ZNF280D: variants seen among roughly 807,000 people sequenced by gnomAD.
ZNF280D encodes suppressor of hairy wing homolog 4.
Under a neutral mutation model 94.7 loss-of-function variants are expected in ZNF280D, and 39 were observed. That is an observed-to-expected ratio of 0.41 (90% CI 0.32 to 0.54). The LOEUF (loss-of-function observed/expected upper bound fraction) is 0.54, where lower values mean the gene tolerates loss of function less well. ZNF280D is among the 20% of genes least tolerant of loss of function. The pLI is 0.22. For missense variants in ZNF280D, 1,090 were observed against 1,149.3 expected (o/e 0.95, Z 0.75); for synonymous variants, 398 against 377.6 (o/e 1.05, Z -0.63).
chr15:56,697,621 T>C (rs1455991431), intron 6 of ZNF280D: 1 of 152,238 alleles, frequency 6.6e-6, no homozygotes, highest in Non-Finnish European at 1.5e-5. Flanking sequence ...ACTATTTTTC[T>C]GAGACAGTGG....
At chr15:56,639,667 AT>A (rs1223682556) in intron 20 of ZNF280D, among the ~76,000 whole-genome samples, 7 of 152,188 alleles carry the variant, frequency 4.6e-5, no homozygotes, top group Non-Finnish European at 8.8e-5. Flanking sequence ...CATGGGAATT[AT>A]TTTTATGTAC....
chr15:56,691,743 A>G (rs560279573), intron 7 of ZNF280D, among the ~76,000 whole-genome samples: 1 of 152,290 alleles, frequency 6.6e-6, no homozygotes, highest in African/African-American at 2.4e-5. Flanking sequence ...ATCATTCAGA[A>G]TAACTGTATT....
At chr15:56,692,663 T>C (rs1183565907) in intron 7 of ZNF280D, among the ~76,000 whole-genome samples, 3 of 152,106 alleles carry the variant, frequency 2.0e-5, no homozygotes, top group Non-Finnish European at 4.4e-5. Flanking sequence ...TATAATCATA[T>C]TGAACTATCA....
At chr15:56,645,502 C>T (rs1215324060) in intron 19 of ZNF280D, among the ~76,000 whole-genome samples, 1 of 152,000 alleles carries the variant, frequency 6.6e-6, no homozygotes, top group African/African-American at 2.4e-5. Flanking sequence ...CTAAAATGAC[C>T]CTATTTGCAT....
intron 20 of ZNF280D, among the ~76,000 whole-genome samples, chr15:56,636,433 C>A (rs1281845021): frequency 6.6e-5 from 10 of 151,690 alleles, no homozygotes; most frequent in African/African-American, 2.4e-4. Context: ...ACACAACAGG[C>A]ACCTATCCCT....
intron 17 of ZNF280D, among the ~76,000 whole-genome samples, chr15:56,657,748 T>C (rs1022024991): frequency 2.0e-5 from 3 of 152,146 alleles, no homozygotes; most frequent in Non-Finnish European, 4.4e-5. Context: ...GTGGAGAAAT[T>C]GGAACCCTCA....
Position 56,666,673 on chromosome 15 carries a change from G to C in ZNF280D, c.1853+6C>G. 1 of 1,581,502 alleles carries C rather than the reference G, an allele frequency of 6.3e-7. No homozygotes were observed. Among genetic ancestry groups the C allele is most frequent in the Non-Finnish European group, 8.6e-7 (1 of 1,168,476 alleles). The stretch of plus-strand genomic sequence containing the variant: ...ATTATATTGTATATCAGGAATAAAA[G>C]ATTACCTTAAATTCCTCAATGCTGT... On this transcript the variant is annotated splice_donor_region_variant and intron_variant, in intron 15 of 21. Coordinates refer to ENST00000267807, the MANE Select transcript of ZNF280D (RefSeq NM_017661.4).
intron 13 of ZNF280D, among the ~76,000 whole-genome samples, chr15:56,675,571 A>G (rs2055173544): frequency 6.6e-6 from 1 of 151,998 alleles, no homozygotes; most frequent in African/African-American, 2.4e-5. Flanking sequence ...AATTCTTACT[A>G]TATGTAATTT....
chr15:56,675,922 C>T (rs958656064), intron 13 of ZNF280D, among the ~76,000 whole-genome samples: 17 of 151,920 alleles, frequency 1.1e-4, no homozygotes, highest in Middle Eastern at 3.2e-3. Flanking sequence ...CTTTCAAGCA[C>T]GCAAGAACAG....
chr15:56,696,623 A>C (rs1044328972), intron 6 of ZNF280D, among the ~76,000 whole-genome samples: 2 of 152,222 alleles, frequency 1.3e-5, no homozygotes, highest in South Asian at 2.1e-4. Context: ...AAAAAGTAAA[A>C]ACACACACAC....
At position 56,701,249 on chromosome 15, in the gene ZNF280D, T is replaced by A. The variant is rs938922896; in HGVS notation, c.176-11A>T. ...CTCTGTTCAAAATATCTATAAAAGATTATATTTATTTTAAAATACATTGTT... is the reference window on the plus strand; with the variant it reads ...CTCTGTTCAAAATATCTATAAAAGAATATATTTATTTTAAAATACATTGTT... On this transcript the variant is annotated splice_polypyrimidine_tract_variant and intron_variant, in intron 4 of 21. Coordinates refer to ENST00000267807, the MANE Select transcript of ZNF280D (RefSeq NM_017661.4). 5.2e-5 allele frequency: 75 copies of A among 1,446,092 alleles called. 1 individual carries two copies. The highest frequency in any genetic ancestry group is 6.8e-5 in the Non-Finnish European group (72 of 1,064,010). 89.6% of individuals were successfully genotyped at this position (1,446,092 alleles called of 1,614,324 possible). A position where few individuals can be genotyped will look rare whatever the true frequency, so the allele number is the denominator to read the frequency against.
chr15:56,677,983 G>T (rs1304022550), intron 11 of ZNF280D, among the ~76,000 whole-genome samples: 1 of 151,218 alleles, frequency 6.6e-6, no homozygotes, highest in African/African-American at 2.4e-5. Flanking sequence ...AAGCTATCTT[G>T]CTCCAACATC....
rs373418547 is a variant in ZNF280D, at chr15:56,666,497, G to A, written c.1892C>T (p.Ser631Phe). ...GTGGTTTGCAAAATCTTTTATTTCG[G>A]AACAACACTCAATGCATTTGTGAAT... Reference protein sequence around the residue: ...RGIHKCIECCSEIKDFANHFP... With the variant: ...RGIHKCIECCFEIKDFANHFP... Residue 631 changes from serine (S) to phenylalanine (F), a missense_variant, in exon 16 of 22, where the codon TCC becomes TTC. By Grantham distance (155) the Ser-to-Phe change is radical. Transcript: ENST00000267807. 1.2e-6 allele frequency: 2 copies of A among 1,601,306 alleles called. No individual in the cohort carries two copies. The highest frequency in any genetic ancestry group is 1.1e-5 in the South Asian group (1 of 88,094).
At chr15:56,708,326 T>A (rs2057540637) in intron 1 of ZNF280D, among the ~76,000 whole-genome samples, 2 of 152,190 alleles carry the variant, frequency 1.3e-5, no homozygotes, top group African/African-American at 4.8e-5. Flanking sequence ...ATCCCCTAGT[T>A]CTAAAGTTGT....
At chr15:56,686,580 T>A (rs1441685461) in intron 9 of ZNF280D, among the ~76,000 whole-genome samples, 3 of 152,186 alleles carry the variant, frequency 2.0e-5, no homozygotes, top group African/African-American at 7.2e-5. Context: ...CCAGGACAGA[T>A]CAAGTGGACT....
At chr15:56,706,777 T>C (rs1422986925) in intron 3 of ZNF280D, among the ~76,000 whole-genome samples, 1 of 152,044 alleles carries the variant, frequency 6.6e-6, no homozygotes, top group East Asian at 1.9e-4. Flanking sequence ...AAAAAAAAAA[T>C]TTAAGACATA....
chr15:56,712,405 C>T (rs1200982037), intron 1 of ZNF280D, among the ~76,000 whole-genome samples: 1 of 151,516 alleles, frequency 6.6e-6, no homozygotes, highest in African/African-American at 2.4e-5. Flanking sequence ...CTTTGGGAGG[C>T]CAAGGTTGGA....
In ZNF280D at chr15:56,693,191, C is replaced by A; in HGVS notation, c.406G>T (p.Val136Phe). The A allele has an allele frequency of 6.3e-7, 1 of 1,591,756 alleles. No homozygotes were observed. The highest frequency in any genetic ancestry group is 2.3e-5 in the East Asian group (1 of 43,680). ...AACTCTGATGACTTATTAGACACAA[C>A]TCGTGATGAGTTTGTTATATAACCC... The part of the protein sequence containing the change: ...KPGYITNSSR[V>F]VSNKSSELLF... The change falls in exon 7 of 22, where the codon GTT (valine) becomes TTT (phenylalanine). Residue 136 changes from valine to phenylalanine, a missense_variant. Transcript: ENST00000267807.
intron 1 of ZNF280D, among the ~76,000 whole-genome samples, chr15:56,708,498 T>G (rs2057549442): frequency 2.0e-5 from 3 of 152,200 alleles, no homozygotes. Flanking sequence ...CAATTACATA[T>G]CCTATGGACT....
Sources: gnomAD v4.1 joint callset for allele counts (sites outside exome capture counted in the v4.1 genomes callset) on GRCh38, gnomAD v4.1.1 for gene constraint, MANE v1.5 for transcripts, NCBI Gene and HGNC (gene_info 2026-07-23, HGNC 2026-07-21) for gene names.